Variants in LAMC1 observed in about 807,000 individuals in gnomAD.
The protein encoded by LAMC1 is laminin subunit gamma 1.
In LAMC1, 38 loss-of-function variants were observed where a neutral mutation model predicts 173.6. The observed-to-expected ratio is 0.22, with a 90% CI of 0.17 to 0.29. LAMC1 has a LOEUF of 0.29. LAMC1 is among the 10% of genes least tolerant of loss of function. The pLI is 1.00. For synonymous variants in LAMC1, 746 were observed against 749.1 expected (o/e 1.00, Z 0.07); for missense variants, 1,824 against 2,051.8 (o/e 0.89, Z 2.14).
Position 183,133,504 on chromosome 1 carries a change from A to G in LAMC1, c.3803A>G (p.Tyr1268Cys), listed in dbSNP as rs752660660. ...GCCGGTGACAAAGCTGTGGAGATCT[A>G]TGCCAGCGTGGCTCAGCTGAGCCCT... is the stretch of plus-strand genomic sequence containing the variant. ...KRAGDKAVEI[Y>C]ASVAQLSPLD... The change falls in exon 22 of 28, where the codon TAT becomes TGT. Residue 1268 changes from tyrosine (Y) to cysteine (C), a missense_variant. Tyr to Cys is a radical substitution (Grantham distance 194). Transcript: ENST00000258341. 18 of 1,613,738 alleles carry G rather than the reference A, an allele frequency of 1.1e-5. No homozygotes were observed. The South Asian group carries it at 1.8e-4, about 16-fold the overall frequency.
chr1:183,122,071 A>G lies in LAMC1; in HGVS notation c.2221A>G (p.Asn741Asp). 1.2e-6 allele frequency: 2 copies of G among 1,613,282 alleles called. No individual in the cohort carries two copies. Among genetic ancestry groups the G allele is most frequent in the Non-Finnish European group, 8.5e-7 (1 of 1,179,316 alleles). Reference sequence around the variant, plus strand: ...GCCTGCCTTCCAAATAGGTGTTTGTAACTGCAGAGACAATACGGCTGGCCC... The same window carrying G: ...GCCTGCCTTCCAAATAGGTGTTTGTGACTGCAGAGACAATACGGCTGGCCC... ...ETCDPETGVC[N>D]CRDNTAGPHC... The change falls in exon 13 of 28, where the codon AAC (asparagine) becomes GAC (aspartate). Residue 741 changes from asparagine (N) to aspartate (D), a missense_variant. Coordinates refer to ENST00000258341, the MANE Select transcript of LAMC1 (RefSeq NM_002293.4).
intron 1 of LAMC1, among the ~76,000 whole-genome samples, chr1:183,055,869 G>A (rs1654578271): frequency 3.9e-5 from 6 of 152,096 alleles, no homozygotes; most frequent in African/African-American, 2.4e-5. Flanking sequence ...GGTGTTTGGT[G>A]CAAAGCAAGC....
chr1:183,107,605 T>C (rs1199116005), intron 2 of LAMC1, among the ~76,000 whole-genome samples: 2 of 151,656 alleles, frequency 1.3e-5, no homozygotes, highest in African/African-American at 4.8e-5. Context: ...CCGAGGCGGG[T>C]GTATCACGAG....
chr1:183,130,588 G>T (rs1352098539), intron 19 of LAMC1, 39 bp downstream of exon 19: 1 of 1,547,286 alleles, frequency 6.5e-7, no homozygotes, highest in Admixed American at 1.7e-5. Context: ...GATGGGGGAG[G>T]CCCCTGGGGT....
intron 1 of LAMC1, among the ~76,000 whole-genome samples, chr1:183,091,853 C>G (rs1043346044): frequency 2.6e-5 from 4 of 152,138 alleles, no homozygotes; most frequent in African/African-American, 7.2e-5. Context: ...GGATGGACAC[C>G]AGAGAGGGTG....
chr1:183,114,532 C>A lies in LAMC1; in HGVS notation c.1023C>A (p.Pro341=). The A allele has an allele frequency of 6.2e-7, 1 of 1,614,172 alleles. No individual in the cohort carries two copies. Among genetic ancestry groups the A allele is most frequent in the Non-Finnish European group, 8.5e-7 (1 of 1,180,016 alleles). Residue 341 remains proline (P), a splice_region_variant and synonymous_variant, in exon 5 of 28, where the codon CCC becomes CCA. Transcript: ENST00000258341. Reference sequence around the variant, plus strand: ...TAACTCGTGTGTTTTGACTGACAGCCTGTGATTGCAATGGTCGATCCCAGG... The same window carrying A: ...TAACTCGTGTGTTTTGACTGACAGCATGTGATTGCAATGGTCGATCCCAGG... ...ATAESASECL[P]CDCNGRSQEC...
In LAMC1 at chr1:183,023,651, G is replaced by C; in HGVS notation, c.-66G>C. On this transcript the variant is annotated 5_prime_UTR_variant, in exon 1 of 28. Coordinates refer to ENST00000258341, the MANE Select transcript of LAMC1 (RefSeq NM_002293.4). ...AGCAGCGAAGCGGCCTCCGGGGGAC[G>C]CCGCTAGGCGAGAGGAACGCGCCGG... The C allele has an allele frequency of 8.9e-7, 1 of 1,121,924 alleles. No homozygotes were observed. 69.5% of individuals were successfully genotyped at this position (1,121,924 alleles called of 1,614,324 possible).
intron 1 of LAMC1, among the ~76,000 whole-genome samples, chr1:183,060,397 A>G (rs569458499): frequency 1.6e-4 from 25 of 152,016 alleles, no homozygotes; most frequent in African/African-American, 6.0e-4. Flanking sequence ...AAAAAAGAAA[A>G]AAAAAAAAAA....
At chr1:183,133,787 C>T (rs1656864669) in intron 22 of LAMC1, among the ~76,000 whole-genome samples, 1 of 152,098 alleles carries the variant, frequency 6.6e-6, no homozygotes, top group South Asian at 2.1e-4. Context: ...TCAAGACCAG[C>T]CTGGTCAACA....
chr1:183,032,857 A>G (rs1653881338), intron 1 of LAMC1, among the ~76,000 whole-genome samples: 1 of 152,184 alleles, frequency 6.6e-6, no homozygotes, highest in East Asian at 1.9e-4. Flanking sequence ...GTTTTCAGAG[A>G]CATGGTTAAT....
At chr1:183,125,347 T>C in intron 14 of LAMC1, 50 bp from the exon 15 acceptor site, 1 of 1,594,532 alleles carries the variant, frequency 6.3e-7, no homozygotes, top group Non-Finnish European at 8.6e-7. Flanking sequence ...TATTTTAGTA[T>C]TTCTCTCAGG....
intron 1 of LAMC1, among the ~76,000 whole-genome samples, chr1:183,070,336 A>G (rs1365339025): frequency 4.6e-5 from 7 of 152,118 alleles, no homozygotes; most frequent in Non-Finnish European, 8.8e-5. Context: ...GGGACCAACT[A>G]GTGCTTCTGT....
In LAMC1 at chr1:183,023,527, C is replaced by T. The variant is rs552113828; in HGVS notation, c.-190C>T. The T allele has an allele frequency of 1.8e-5, 5 of 271,404 alleles. No individual in the cohort carries two copies. In the East Asian group the frequency reaches 4.3e-4, roughly 23 times the overall value. The allele number at this position is 271,404 out of a possible 1,614,324, so 16.8% of individuals were successfully genotyped here. A position where few individuals can be genotyped will look rare whatever the true frequency, so the allele number is the denominator to read the frequency against. On this transcript the variant is annotated 5_prime_UTR_variant, in exon 1 of 28. Coordinates refer to ENST00000258341, the MANE Select transcript of LAMC1 (RefSeq NM_002293.4). ...GCGCGCGGGGGCAGTGGTCGGCGAG[C>T]AGCGCGGTCCTCGCTAGGGGCGCCC...
intron 1 of LAMC1, among the ~76,000 whole-genome samples, chr1:183,032,554 C>T (rs946132229): frequency 6.6e-6 from 1 of 151,992 alleles, no homozygotes; most frequent in South Asian, 2.1e-4. Context: ...CAAAGTCTCA[C>T]TCTGTTGCCT....
intron 1 of LAMC1, among the ~76,000 whole-genome samples, chr1:183,069,882 T>C (rs75760592): frequency 0.011 from 1,749 of 152,222 alleles, 27 homozygotes; most frequent in African/African-American, 0.04. Flanking sequence ...ATCATTGAAG[T>C]AGGAGTGGGT....
chr1:183,076,474 G>A (rs1319930960), intron 1 of LAMC1, among the ~76,000 whole-genome samples: 1 of 152,190 alleles, frequency 6.6e-6, no homozygotes, highest in Non-Finnish European at 1.5e-5. Context: ...CTCCTTCGAT[G>A]TTTTCCATGA....
intron 1 of LAMC1, 144 bp downstream of exon 1, chr1:183,024,278 T>C (rs1354700937): frequency 2.7e-6 from 2 of 740,948 alleles, no homozygotes; most frequent in Non-Finnish European, 4.3e-6. Context: ...CAGAAACTCC[T>C]TTCTCCAACT....
At chr1:183,141,225 G>A (rs745663617) in intron 27 of LAMC1, 1 of 152,230 alleles carries the variant, frequency 6.6e-6, no homozygotes, top group Non-Finnish European at 1.5e-5. Context: ...ACTGAAGCAG[G>A]TGCATCACTT....
Position 183,117,616 on chromosome 1 carries a change from C to T in LAMC1, c.1770C>T (p.Leu590=), listed in dbSNP as rs1459830342. Reference sequence around the variant, plus strand: ...GAGTGGACAGGCGAGATACTCGCCTCTCTGCAGAAGACCTTGTGCTTGAGG... The same window carrying T: ...GAGTGGACAGGCGAGATACTCGCCTTTCTGCAGAAGACCTTGTGCTTGAGG... ...SFRVDRRDTR[L]SAEDLVLEGA... Residue 590 remains leucine (L), a synonymous_variant, in exon 10 of 28, where the codon CTC becomes CTT. Coordinates refer to ENST00000258341, the MANE Select transcript of LAMC1 (RefSeq NM_002293.4). 6.2e-7 allele frequency: 1 copy of T among 1,614,114 alleles called. No individual in the cohort carries two copies. The highest frequency in any genetic ancestry group is 1.1e-5 in the South Asian group (1 of 91,088).
Sources: allele counts gnomAD v4.1 joint callset (sites outside exome capture counted in the v4.1 genomes callset), GRCh38; gene constraint gnomAD v4.1.1; transcripts MANE v1.5; gene names NCBI Gene and HGNC (gene_info 2026-07-23, HGNC 2026-07-21).